The following CAMSAP3 variants were observed in gnomAD, a reference collection of about 807,000 sequenced individuals.
CAMSAP3 encodes calmodulin-regulated spectrin-associated protein 3.
A neutral mutation model predicts 112.5 loss-of-function variants in CAMSAP3; 34 were observed. That is an observed-to-expected ratio of 0.30 (90% CI 0.23 to 0.40). CAMSAP3 has a LOEUF of 0.40. Ranked by LOEUF, CAMSAP3 falls within the 10% of genes least tolerant of loss-of-function variation. The probability of loss-of-function intolerance (pLI) is 1.00; values close to 1 mark genes in which losing one functional copy is unlikely to be tolerated. For missense variants in CAMSAP3, 1,602 were observed against 1,770.3 expected (o/e 0.90, Z 1.71); for synonymous variants, 868 against 799.8 (o/e 1.09, Z -1.44).
At position 7,612,655 on chromosome 19, in the gene CAMSAP3, C is replaced by G. The variant is rs768473247; in HGVS notation, c.2162C>G (p.Thr721Arg). ...CTGCAGCGGGACATGCAGAGGCTCA[C>G]GGACCAGCAGCAGCGGCTCCTGGCC... is the stretch of plus-strand genomic sequence containing the variant. ...SSLQRDMQRLTDQQQRLLAPP... is the reference protein window; with the variant it reads ...SSLQRDMQRLRDQQQRLLAPP... The change falls in exon 11 of 17, where the codon ACG becomes AGG. Residue 721 changes from threonine to arginine, a missense_variant. Physicochemically the swap from Thr to Arg is moderately conservative, Grantham distance 71. Coordinates refer to ENST00000160298, the MANE Select transcript of CAMSAP3 (RefSeq NM_020902.2). 3.3e-6 allele frequency: 5 copies of G among 1,515,050 alleles called. No individual in the cohort carries two copies. The allele number at this position is 1,515,050 out of a possible 1,614,324, so 93.9% of individuals were successfully genotyped here. A position where few individuals can be genotyped will look rare whatever the true frequency, so the allele number is the denominator to read the frequency against.
chr19:7,607,724 C>A lies in CAMSAP3; in HGVS notation c.622-402C>A. The A allele has an allele frequency of 2.0e-6, 1 of 492,114 alleles. No homozygotes were observed. The allele number at this position is 492,114 out of a possible 1,614,324, so 30.5% of individuals were successfully genotyped here. A position where few individuals can be genotyped will look rare whatever the true frequency, so the allele number is the denominator to read the frequency against. ...GGAGCTGGACGGCCGGGGCTCAGGA[C>A]CAGGGTCAGGGCTACCCCCTCCCCC... On this transcript the variant is annotated intron_variant, in intron 4 of 16. Coordinates refer to ENST00000160298, the MANE Select transcript of CAMSAP3 (RefSeq NM_020902.2). The surrounding 1 kb of genome is among the most constrained non-coding windows in gnomAD (Gnocchi z 4.9).
At chr19:7,606,739 G>C in intron 4 of CAMSAP3, 168 bp downstream of exon 4, 1 of 1,613,408 alleles carries the variant, frequency 6.2e-7, no homozygotes, top group Middle Eastern at 1.7e-4. Flanking sequence ...CCCCTGTGCC[G>C]GTACCCGCTG....
In CAMSAP3 at chr19:7,613,053, C is replaced by CCCG. The variant is rs775860645; in HGVS notation, c.2567_2569dup (p.Ala856dup). ...GATCCCGCTGGGCAGCCTGGCAGAT[C>CCCG]CCGCCGCCGAGGACGAGGGAGACGG... On this transcript the variant is annotated inframe_insertion, in exon 11 of 17. Coordinates refer to ENST00000160298, the MANE Select transcript of CAMSAP3 (RefSeq NM_020902.2). 1.5e-5 allele frequency: 23 copies of CCCG among 1,549,728 alleles called. 1 individual carries two copies. The South Asian group carries it at 2.6e-4, about 18-fold the overall frequency.
chr19:7,615,735 G>A lies in CAMSAP3; in HGVS notation c.3112+16G>A. 7.2e-7 allele frequency: 1 copy of A among 1,391,560 alleles called. No homozygotes were observed. The highest frequency in any genetic ancestry group is 9.3e-7 in the Non-Finnish European group (1 of 1,079,532). The allele number at this position is 1,391,560 out of a possible 1,614,324, so 86.2% of individuals were successfully genotyped here. On this transcript the variant is annotated intron_variant, in intron 13 of 16. Transcript: ENST00000160298. This position sits in a 1 kb window ranked among gnomAD's most constrained non-coding sequence, Gnocchi z 6.5. ...GGCCTGCTGGGTGAGGACCCTTGGG[G>A]GACGGGGCCTGCCCAGTGCCCTTTC...
chr19:7,606,074 C>G (rs1221496183), intron 2 of CAMSAP3, among the ~76,000 whole-genome samples, 197 bp from the exon 3 acceptor site: 1 of 152,112 alleles, frequency 6.6e-6, no homozygotes, highest in Non-Finnish European at 1.5e-5. Flanking sequence ...ACCCATCGTG[C>G]GTGGCTTTTC....
In CAMSAP3 at chr19:7,612,406, T is replaced by C. The variant is rs767281838; in HGVS notation, c.1913T>C (p.Leu638Pro). The C allele has an allele frequency of 6.3e-7, 1 of 1,594,450 alleles. No individual in the cohort carries two copies. Among genetic ancestry groups the C allele is most frequent in the Non-Finnish European group, 8.5e-7 (1 of 1,173,328 alleles). Residue 638 changes from leucine to proline, a missense_variant, in exon 11 of 17, where the codon CTG becomes CCG. Around this residue, in one of 6 missense-constraint regions of CAMSAP3, gnomAD observed 1,100 missense variants for 1,135.7 expected, o/e 0.97. Transcript: ENST00000160298. ...HRQRLGKSAF[L>P]QVQPREASGE... Reference sequence around the variant, plus strand: ...CAGCGGCTGGGCAAAAGCGCCTTCCTGCAGGTGCAGCCGCGGGAAGCCTCT... The same window carrying C: ...CAGCGGCTGGGCAAAAGCGCCTTCCCGCAGGTGCAGCCGCGGGAAGCCTCT...
At chr19:7,606,637 C>A in intron 4 of CAMSAP3, 66 bp downstream of exon 4, 2 of 1,527,314 alleles carry the variant, frequency 1.3e-6, no homozygotes, top group Non-Finnish European at 1.8e-6. Flanking sequence ...CAGGGCTGTG[C>A]TTCCTGGACA....
intron 5 of CAMSAP3, among the ~76,000 whole-genome samples, chr19:7,609,815 T>C (rs2030382094): frequency 6.6e-6 from 1 of 151,958 alleles, no homozygotes; most frequent in Non-Finnish European, 1.5e-5. Context: ...GCAACCTAGA[T>C]CCCTCACACG....
chr19:7,605,228 C>T lies in CAMSAP3; in HGVS notation c.151C>T (p.His51Tyr). 6.5e-7 allele frequency: 1 copy of T among 1,536,244 alleles called. No homozygotes were observed. The highest frequency in any genetic ancestry group is 8.8e-7 in the Non-Finnish European group (1 of 1,138,392). ...GTTTCCCCTCTATGCCCCCACAGAG[C>T]ACGTGCCCCCGGAGCTGTGGGAGCC... ...VLRAAFGGAE[H>Y]VPPELWEPFY... The change falls in exon 2 of 17, where the codon CAC becomes TAC. Residue 51 changes from histidine to tyrosine, a missense_variant and splice_region_variant. This residue lies in a region of CAMSAP3 where 147 missense variants were observed against 144.6 expected (regional missense o/e 1.02). Coordinates refer to ENST00000160298, the MANE Select transcript of CAMSAP3 (RefSeq NM_020902.2).
Position 7,610,712 on chromosome 19 carries a change from G to A in CAMSAP3, c.913G>A (p.Val305Met), listed in dbSNP as rs1378126080. 2 of 1,613,932 alleles carry A rather than the reference G, an allele frequency of 1.2e-6. No homozygotes were observed. Among genetic ancestry groups the A allele is most frequent in the African/African-American group, 2.7e-5 (2 of 74,934 alleles). The change falls in exon 7 of 17, where the codon GTG becomes ATG. Residue 305 changes from valine to methionine, a missense_variant. Around this residue, in one of 6 missense-constraint regions of CAMSAP3, gnomAD observed 58 missense variants for 108.4 expected, o/e 0.54. Coordinates refer to ENST00000160298, the MANE Select transcript of CAMSAP3 (RefSeq NM_020902.2). The surrounding 1 kb of genome is among the most constrained non-coding windows in gnomAD (Gnocchi z 4.9). Reference protein sequence around the residue: ...VPPPLKVNLVVMLAELFMCFE... With the variant: ...VPPPLKVNLVMMLAELFMCFE... The stretch of plus-strand genomic sequence containing the variant: ...CTCCCACCTCCAGGTCAACTTGGTG[G>A]TGATGCTGGCCGAGTTGTTCATGTG...
chr19:7,615,561 G>T lies in CAMSAP3; in HGVS notation c.2954G>T (p.Arg985Leu). 3 of 1,517,554 alleles carry T rather than the reference G, an allele frequency of 2.0e-6. No individual in the cohort carries two copies. The highest frequency in any genetic ancestry group is 2.6e-6 in the Non-Finnish European group (3 of 1,133,562). The allele number at this position is 1,517,554 out of a possible 1,614,324, so 94.0% of individuals were successfully genotyped here. A position where few individuals can be genotyped will look rare whatever the true frequency, so the allele number is the denominator to read the frequency against. Residue 985 changes from arginine (R) to leucine (L), a missense_variant, in exon 13 of 17, where the codon CGG becomes CTG. Physicochemically the swap from Arg to Leu is moderately radical, Grantham distance 102 (BLOSUM62 -2). Coordinates refer to ENST00000160298, the MANE Select transcript of CAMSAP3 (RefSeq NM_020902.2). The surrounding 1 kb of genome is among the most constrained non-coding windows in gnomAD (Gnocchi z 6.5). ...GDFTRQEYER[R>L]AQLKLMDDLD... ...TTCACGCGGCAGGAGTACGAGCGCCGGGCCCAGCTGAAGCTGATGGACGAC... is the reference window on the plus strand; with the variant it reads ...TTCACGCGGCAGGAGTACGAGCGCCTGGCCCAGCTGAAGCTGATGGACGAC...
Position 7,617,924 on chromosome 19 carries a change from C to T in CAMSAP3, c.3617C>T (p.Ser1206Leu), listed in dbSNP as rs1335705394. The T allele has an allele frequency of 1.9e-6, 3 of 1,614,116 alleles. No homozygotes were observed. The highest frequency in any genetic ancestry group is 1.3e-5 in the African/African-American group (1 of 75,048). The change falls in exon 17 of 17, where the codon TCG (serine) becomes TTG (leucine). Residue 1206 changes from serine (S) to leucine (L), a missense_variant. Coordinates refer to ENST00000160298, the MANE Select transcript of CAMSAP3 (RefSeq NM_020902.2). The surrounding 1 kb of genome is among the most constrained non-coding windows in gnomAD (Gnocchi z 7.5). ...AMVEGIYKYN[S>L]DRKRFTQIPA... Reference sequence around the variant, plus strand: ...GTGGAAGGCATCTACAAGTACAACTCGGACCGCAAGCGCTTCACCCAGATC... The same window carrying T: ...GTGGAAGGCATCTACAAGTACAACTTGGACCGCAAGCGCTTCACCCAGATC...
At chr19:7,609,753 G>A (rs2030379826) in intron 5 of CAMSAP3, among the ~76,000 whole-genome samples, 1 of 152,176 alleles carries the variant, frequency 6.6e-6, no homozygotes, top group African/African-American at 2.4e-5. Flanking sequence ...CCAGCTGGGG[G>A]TGATGAGAGA....
chr19:7,610,973 T>G lies in CAMSAP3; in HGVS notation c.1049+42T>G. ...GGGCGAGTCTCTGGCATTGTGGGTG[T>G]GGGGCTCCATGTCTGCCTTGCTGAG... On this transcript the variant is annotated intron_variant, in intron 8 of 16. Coordinates refer to ENST00000160298, the MANE Select transcript of CAMSAP3 (RefSeq NM_020902.2). This position sits in a 1 kb window ranked among gnomAD's most constrained non-coding sequence, Gnocchi z 4.9. The G allele has an allele frequency of 6.3e-7, 1 of 1,575,192 alleles. No individual in the cohort carries two copies. The highest frequency in any genetic ancestry group is 8.7e-7 in the Non-Finnish European group (1 of 1,155,384).
chr19:7,600,963 TATCC>T (rs528936186), intron 1 of CAMSAP3, among the ~76,000 whole-genome samples: 3 of 124,322 alleles, frequency 2.4e-5, no homozygotes, highest in Admixed American at 1.6e-4. Context: ...TTCATCCATT[TATCC>T]ATCCATCCAT....
chr19:7,617,369 G>A lies in CAMSAP3; in HGVS notation c.3256G>A (p.Gly1086Arg), dbSNP rs1207411939. The change falls in exon 15 of 17, where the codon GGA becomes AGA. Residue 1086 changes from glycine (G) to arginine (R), a missense_variant. Gly to Arg is a moderately radical substitution (Grantham distance 125, BLOSUM62 -2). Transcript: ENST00000160298. The surrounding 1 kb of genome is among the most constrained non-coding windows in gnomAD (Gnocchi z 7.5). The part of the protein sequence containing the change: ...SGLMSPSRLP[G>R]SRERDWENGS... The stretch of plus-strand genomic sequence containing the variant: ...TCTCATGTCCCCAAGCCGCCTGCCT[G>A]GAAGCCGCGAACGGGACTGGGAAAA... The A allele has an allele frequency of 3.1e-6, 5 of 1,613,958 alleles. No homozygotes were observed. Among genetic ancestry groups the A allele is most frequent in the Non-Finnish European group, 4.2e-6 (5 of 1,180,002 alleles).
chr19:7,615,404 C>T lies in CAMSAP3; in HGVS notation c.2811-14C>T, dbSNP rs966124526. The T allele has an allele frequency of 1.3e-6, 2 of 1,539,962 alleles. No individual in the cohort carries two copies. Among genetic ancestry groups the T allele is most frequent in the Non-Finnish European group, 1.7e-6 (2 of 1,144,536 alleles). On this transcript the variant is annotated splice_polypyrimidine_tract_variant and intron_variant, in intron 12 of 16. Transcript: ENST00000160298. This position sits in a 1 kb window ranked among gnomAD's most constrained non-coding sequence, Gnocchi z 6.5. Reference sequence around the variant, plus strand: ...CCGTGAGCGGTTCTGATGCCGATTCCCTGTGATCTGCAGGCTGGCCCAAGA... The same window carrying T: ...CCGTGAGCGGTTCTGATGCCGATTCTCTGTGATCTGCAGGCTGGCCCAAGA...
chr19:7,608,107 A>G lies in CAMSAP3; in HGVS notation c.622-19A>G. ...GGGGGCCAGCCTGGCCACTCACCTG[A>G]CCTGGCTCCCATCTGCAGATCCGAT... On this transcript the variant is annotated intron_variant, in intron 4 of 16. Transcript: ENST00000160298. The G allele has an allele frequency of 1.9e-6, 3 of 1,607,016 alleles. No individual in the cohort carries two copies. The highest frequency in any genetic ancestry group is 2.5e-6 in the Non-Finnish European group (3 of 1,177,172).
Position 7,615,491 on chromosome 19 carries a change from G to T in CAMSAP3, c.2884G>T (p.Ala962Ser), listed in dbSNP as rs2030732905. The T allele has an allele frequency of 1.3e-6, 2 of 1,540,248 alleles. No individual in the cohort carries two copies. Among genetic ancestry groups the T allele is most frequent in the Admixed American group, 2.0e-5 (1 of 50,536 alleles). ...CCCGATGGCGACTCCAGCCCCTGCT[G>T]CCCGGGCTCCAGCCGAGGAGGAGGT... Reference protein sequence around the residue: ...AVPMATPAPAARAPAEEEVGP... With the variant: ...AVPMATPAPASRAPAEEEVGP... The change falls in exon 13 of 17, where the codon GCC becomes TCC. Residue 962 changes from alanine (A) to serine (S), a missense_variant. By Grantham distance (99) the Ala-to-Ser change is moderately conservative. Around this residue, in one of 6 missense-constraint regions of CAMSAP3, gnomAD observed 1,100 missense variants for 1,135.7 expected, o/e 0.97. Transcript: ENST00000160298. This position sits in a 1 kb window ranked among gnomAD's most constrained non-coding sequence, Gnocchi z 6.5.
Sources: gnomAD v4.1 joint callset for allele counts (sites outside exome capture counted in the v4.1 genomes callset) on GRCh38, gnomAD v4.1.1 for gene constraint, gnomAD v4.1.1 regional missense constraint, Gnocchi (gnomAD v3.1) non-coding constraint, MANE v1.5 for transcripts, NCBI Gene and HGNC (gene_info 2026-07-23, HGNC 2026-07-21) for gene names.